CCNJL: variants seen among roughly 807,000 people sequenced by gnomAD.
CCNJL encodes the protein cyclin J like.
A neutral mutation model predicts 33.4 loss-of-function variants in CCNJL; 33 were observed. The ratio of observed to expected loss-of-function variants is 0.99; its 90% confidence interval spans 0.75 to 1.32. The LOEUF (loss-of-function observed/expected upper bound fraction) is 1.32, where lower values mean the gene tolerates loss of function less well. CCNJL is among the 40% of genes most tolerant of loss of function. The pLI is 0.00. For missense variants in CCNJL, 512 were observed against 499.7 expected (o/e 1.02, Z -0.23); for synonymous variants, 227 against 220.9 (o/e 1.03, Z -0.24).
intron 1 of CCNJL, among the ~76,000 whole-genome samples, chr5:160,329,885 A>G (rs1352579811): frequency 3.3e-5 from 5 of 152,192 alleles, no homozygotes; most frequent in Non-Finnish European, 7.3e-5. Flanking sequence ...AGGTATTGTT[A>G]GGACACCCGT....
At chr5:160,294,314 C>T (rs1762682015) in intron 2 of CCNJL, among the ~76,000 whole-genome samples, 1 of 152,170 alleles carries the variant, frequency 6.6e-6, no homozygotes, top group Admixed American at 6.5e-5. Flanking sequence ...AGAGGGTGGC[C>T]CGTGTCACAT....
At chr5:160,311,632 G>A (rs1323608291) in intron 2 of CCNJL, among the ~76,000 whole-genome samples, 1 of 152,162 alleles carries the variant, frequency 6.6e-6, no homozygotes, top group African/African-American at 2.4e-5. Flanking sequence ...TTGGCCCAGA[G>A]TTCTGAGCTC....
At position 160,253,423 on chromosome 5, in the gene CCNJL, G is replaced by A. The variant is rs752501513; in HGVS notation, c.1119C>T (p.Tyr373=). Residue 373 remains tyrosine (Y), a synonymous_variant, in exon 6 of 6, where the codon TAC becomes TAT. Coordinates refer to ENST00000257536, the MANE Select transcript of CCNJL (RefSeq NM_001308173.3). ...TGGGGAACATGTGGCTCCCACTGAA[G>A]TAGCTGCTTCCATAGGTGGTGGCGA... is the stretch of plus-strand genomic sequence containing the variant. ...HCLATTYGSS[Y]FSGSHMFPTG... The A allele has an allele frequency of 3.1e-6, 5 of 1,605,288 alleles. No individual in the cohort carries two copies. The highest frequency in any genetic ancestry group is 4.3e-6 in the Non-Finnish European group (5 of 1,174,376).
intron 2 of CCNJL, among the ~76,000 whole-genome samples, chr5:160,298,340 C>CAG (rs1329676722): frequency 2.7e-5 from 4 of 150,790 alleles, no homozygotes. Flanking sequence ...GTGTGGGCAA[C>CAG]AGAGAGAGAC....
At chr5:160,324,299 G>A (rs1160168649) in intron 1 of CCNJL, among the ~76,000 whole-genome samples, 1 of 152,212 alleles carries the variant, frequency 6.6e-6, no homozygotes, top group Non-Finnish European at 1.5e-5. Context: ...CTGGCCAGGC[G>A]TGGTGGCTCA....
rs116296607 is a variant in CCNJL at position 160,339,510 on chromosome 5, C to T, written n.141G>A. 3.8e-3 allele frequency: 1,731 copies of T among 452,754 alleles called. 17 individuals carry two copies. Among genetic ancestry groups the T allele is most frequent in the African/African-American group, 0.031 (1,554 of 50,100 alleles). 28.0% of individuals were successfully genotyped at this position (452,754 alleles called of 1,614,324 possible). ...CATAATATTGTGGTTTTCTTTTAGACGTATGCCTCATTTTCCAAATCTTTG... is the reference window on the plus strand; with the variant it reads ...CATAATATTGTGGTTTTCTTTTAGATGTATGCCTCATTTTCCAAATCTTTG... On this transcript the variant is annotated non_coding_transcript_exon_variant, in exon 1 of 8. Transcript: ENST00000377503.
chr5:160,311,699 C>T (rs1216067931), intron 2 of CCNJL, among the ~76,000 whole-genome samples, 159 bp downstream of exon 2: 1 of 152,112 alleles, frequency 6.6e-6, no homozygotes, highest in African/African-American at 2.4e-5. Flanking sequence ...CCCCCGCCCC[C>T]CAATTCCGCT....
chr5:160,283,010 CATATATATATAT>C (rs1160073062), intron 2 of CCNJL, among the ~76,000 whole-genome samples: 56 of 27,972 alleles, frequency 2.0e-3, no homozygotes, highest in African/African-American at 8.4e-3. Flanking sequence ...TATATATATA[CATATATATATAT>C]ATATACCTAA....
chr5:160,253,333 C>T lies in CCNJL; in HGVS notation c.*45G>A. On this transcript the variant is annotated 3_prime_UTR_variant, in exon 6 of 6. Transcript: ENST00000257536. Reference sequence around the variant, plus strand: ...AGCTCTCCTCTTCAGTGTCCTCTTCCTCTGCCCACATCTCCAAGGCTTCCT... The same window carrying T: ...AGCTCTCCTCTTCAGTGTCCTCTTCTTCTGCCCACATCTCCAAGGCTTCCT... The T allele has an allele frequency of 6.5e-7, 1 of 1,529,110 alleles. No individual in the cohort carries two copies. The highest frequency in any genetic ancestry group is 8.8e-7 in the Non-Finnish European group (1 of 1,135,226). 94.7% of individuals were successfully genotyped at this position (1,529,110 alleles called of 1,614,324 possible).
At chr5:160,264,309 T>C (rs575286980) in intron 3 of CCNJL, among the ~76,000 whole-genome samples, 2 of 152,178 alleles carry the variant, frequency 1.3e-5, no homozygotes, top group Non-Finnish European at 2.9e-5. Context: ...CAGACGCACG[T>C]GTACCCCCAG....
chr5:160,319,339 T>A (rs912691244), intron 1 of CCNJL, among the ~76,000 whole-genome samples: 62 of 152,224 alleles, frequency 4.1e-4, no homozygotes, highest in African/African-American at 1.3e-3. Context: ...TGTGGCAAAG[T>A]TTTCCCCCTT....
At chr5:160,261,917 C>T (rs1293119765) in intron 3 of CCNJL, among the ~76,000 whole-genome samples, 1 of 152,142 alleles carries the variant, frequency 6.6e-6, no homozygotes, top group Non-Finnish European at 1.5e-5. Flanking sequence ...ATAGTAGGTA[C>T]CCAATAAATA....
chr5:160,277,661 G>T (rs1158983450), intron 3 of CCNJL, among the ~76,000 whole-genome samples: 1 of 152,026 alleles, frequency 6.6e-6, no homozygotes. Context: ...CCGCAGACAT[G>T]GGTCCCTGGC....
intron 3 of CCNJL, among the ~76,000 whole-genome samples, chr5:160,267,324 G>A (rs1009003016): frequency 6.6e-6 from 1 of 152,070 alleles, no homozygotes; most frequent in African/African-American, 2.4e-5. Context: ...TTCCCACATG[G>A]AAACAGAAGC....
At chr5:160,324,633 C>CTATCTATCTATG (rs1286339679) in intron 1 of CCNJL, among the ~76,000 whole-genome samples, 5 of 152,098 alleles carry the variant, frequency 3.3e-5, no homozygotes, top group Non-Finnish European at 5.9e-5. Context: ...GTCTGTCTAT[C>CTATCTATCTATG]TATCTATCTA....
At chr5:160,279,602 G>T (rs139407451) in intron 3 of CCNJL, among the ~76,000 whole-genome samples, 56 of 152,334 alleles carry the variant, frequency 3.7e-4, no homozygotes, top group African/African-American at 1.3e-3. Flanking sequence ...TGAGGGCAGT[G>T]GGGGAAGGTT....
In CCNJL at chr5:160,255,806, C is replaced by T. The variant is rs1761040923; in HGVS notation, c.584-98G>A. On this transcript the variant is annotated intron_variant, in intron 4 of 5. Coordinates refer to ENST00000257536, the MANE Select transcript of CCNJL (RefSeq NM_001308173.3). ...ATGGACAAATGAATCGCTTTCAAGG[C>T]TTTTCATCGCTGCCCTACAAATAGG... is the stretch of plus-strand genomic sequence containing the variant. 6 of 986,162 alleles carry T rather than the reference C, an allele frequency of 6.1e-6. No homozygotes were observed. The East Asian group carries it at 1.5e-4, about 24-fold the overall frequency. The allele number at this position is 986,162 out of a possible 1,614,324, so 61.1% of individuals were successfully genotyped here.
intron 2 of CCNJL, among the ~76,000 whole-genome samples, chr5:160,293,695 T>A (rs376805434): frequency 2.0e-5 from 3 of 152,070 alleles, no homozygotes; most frequent in East Asian, 1.9e-4. Context: ...ACACCCACCC[T>A]CCGAGGTGGA....
At chr5:160,318,311 C>A (rs111387816) in intron 1 of CCNJL, among the ~76,000 whole-genome samples, 1 of 152,200 alleles carries the variant, frequency 6.6e-6, no homozygotes, top group Non-Finnish European at 1.5e-5. Flanking sequence ...GCCACCACGC[C>A]GGGCCATGTC....
Sources: allele counts gnomAD v4.1 joint callset (sites outside exome capture counted in the v4.1 genomes callset), GRCh38; gene constraint gnomAD v4.1.1; transcripts MANE v1.5; gene names NCBI Gene and HGNC (gene_info 2026-07-23, HGNC 2026-07-21).